DOCK4: variants seen among roughly 807,000 people sequenced by gnomAD.
DOCK4 encodes the protein dedicator of cytokinesis 4.
Under a neutral mutation model 268.1 loss-of-function variants are expected in DOCK4, and 97 were observed. That is an observed-to-expected ratio of 0.36 (90% CI 0.31 to 0.43). The LOEUF (loss-of-function observed/expected upper bound fraction) is 0.43. Among genes scored for constraint, DOCK4 ranks in the 20% least tolerant of loss-of-function variants. The pLI, the probability that DOCK4 is intolerant of heterozygous loss-of-function variation, is 1.00. For missense variants in DOCK4, 2,145 were observed against 2,455.7 expected (o/e 0.87, Z 2.67); for synonymous variants, 954 against 887.2 (o/e 1.08, Z -1.34).
At chr7:111,874,634 T>C (rs1806694213) in intron 17 of DOCK4, among the ~76,000 whole-genome samples, 1 of 152,218 alleles carries the variant, frequency 6.6e-6, no homozygotes, top group South Asian at 2.1e-4. Context: ...AGCTATAACC[T>C]ATCACAGAAA....
At chr7:111,900,622 C>T (rs1417068109) in intron 14 of DOCK4, 86 bp from the exon 15 acceptor site, 66 of 1,384,292 alleles carry the variant, frequency 4.8e-5, no homozygotes, top group Non-Finnish European at 6.4e-5. Flanking sequence ...GCTCTATCTG[C>T]CTGCCTCTCA....
chr7:111,851,822 A>T (rs1253164613), intron 23 of DOCK4, among the ~76,000 whole-genome samples: 1 of 152,036 alleles, frequency 6.6e-6, no homozygotes, highest in Non-Finnish European at 1.5e-5. Flanking sequence ...TGTAAGTGTT[A>T]TTCTCCTTTC....
chr7:111,728,754 C>A, intron 52 of DOCK4, 34 bp from the exon 53 acceptor site: 1 of 1,566,394 alleles, frequency 6.4e-7, no homozygotes, highest in Non-Finnish European at 8.7e-7. Flanking sequence ...GAGGGAGACA[C>A]AGCATTGAGT....
chr7:111,890,192 A>G (rs6978832), intron 16 of DOCK4, among the ~76,000 whole-genome samples: 73,808 of 151,922 alleles, frequency 0.49, 20,099 homozygotes, highest in African/African-American at 0.75. Flanking sequence ...ATTTGCTTCT[A>G]CTCATTCTTT....
chr7:112,011,986 C>G (rs1305960195), intron 1 of DOCK4, among the ~76,000 whole-genome samples: 1 of 151,374 alleles, frequency 6.6e-6, no homozygotes, highest in Non-Finnish European at 1.5e-5. Context: ...AATTATGAAC[C>G]ATGTGGTCCT....
intron 1 of DOCK4, among the ~76,000 whole-genome samples, chr7:112,173,651 A>G (rs1818263086): frequency 6.6e-6 from 1 of 152,164 alleles, no homozygotes; most frequent in Non-Finnish European, 1.5e-5. Flanking sequence ...ACGAGTACAC[A>G]CACTGAAAAC....
chr7:111,733,939 A>ATAGTT (rs1214405081), intron 51 of DOCK4, among the ~76,000 whole-genome samples: 1 of 152,168 alleles, frequency 6.6e-6, no homozygotes, highest in Non-Finnish European at 1.5e-5. Context: ...TAGGTGGCAC[A>ATAGTT]TAGTTTATTG....
intron 1 of DOCK4, among the ~76,000 whole-genome samples, chr7:112,038,530 C>T (rs958796643): frequency 6.6e-6 from 1 of 152,054 alleles, no homozygotes; most frequent in South Asian, 2.1e-4. Flanking sequence ...ATCAATATGC[C>T]AAGTGAGGTC....
intron 1 of DOCK4, among the ~76,000 whole-genome samples, chr7:112,066,983 C>CACAG (rs1299668570): frequency 6.7e-6 from 1 of 149,992 alleles, no homozygotes; most frequent in African/African-American, 2.5e-5. Context: ...CGTCTCCACA[C>CACAG]ACACACACAC....
At chr7:111,791,482 C>T (rs940467471) in intron 30 of DOCK4, among the ~76,000 whole-genome samples, 2 of 151,222 alleles carry the variant, frequency 1.3e-5, no homozygotes, top group Admixed American at 6.6e-5. Context: ...TGGAGTCTTG[C>T]TCTGTCACCC....
At chr7:111,943,661 T>C (rs945509075) in intron 10 of DOCK4, among the ~76,000 whole-genome samples, 1 of 152,198 alleles carries the variant, frequency 6.6e-6, no homozygotes, top group African/African-American at 2.4e-5. Flanking sequence ...TCAAAGATTC[T>C]TTCCAATTTT....
chr7:111,890,533 A>G (rs1327222094), intron 16 of DOCK4, among the ~76,000 whole-genome samples: 1 of 152,182 alleles, frequency 6.6e-6, no homozygotes, highest in Non-Finnish European at 1.5e-5. Flanking sequence ...AAATTTTTAT[A>G]GATTTCAGAG....
chr7:112,177,956 C>G lies in DOCK4; in HGVS notation c.37+28146G>C, dbSNP rs117703810. ...CATCTGCCTAGCACAGGCTACACAC[C>G]TATACCTATCCCCTGGGACTTTCTT... On this transcript the variant is annotated intron_variant, in intron 1 of 52. Coordinates refer to ENST00000428084, the MANE Select transcript of DOCK4 (RefSeq NM_001363540.2). Among the ~76,000 whole-genome samples the G allele has an allele frequency of 9.5e-4, 145 of 152,320 alleles. 2 individuals are homozygous for G. The East Asian group carries it at 0.025, about 27-fold the overall frequency.
At chr7:112,174,994 G>C (rs1263596461) in intron 1 of DOCK4, among the ~76,000 whole-genome samples, 1 of 142,960 alleles carries the variant, frequency 7.0e-6, no homozygotes, top group East Asian at 2.1e-4. Flanking sequence ...AGGCTGGAGT[G>C]CAGTGGCGCG....
chr7:111,987,494 A>G (rs1432655229), intron 6 of DOCK4, among the ~76,000 whole-genome samples: 1 of 152,200 alleles, frequency 6.6e-6, no homozygotes, highest in Non-Finnish European at 1.5e-5. Context: ...AAAACAATAA[A>G]GAAATAAATA....
At chr7:111,797,127 T>C (rs1799954703) in intron 30 of DOCK4, among the ~76,000 whole-genome samples, 1 of 152,198 alleles carries the variant, frequency 6.6e-6, no homozygotes, top group African/African-American at 2.4e-5. Flanking sequence ...TTCCTTAACC[T>C]GAGAACGTTA....
intron 7 of DOCK4, among the ~76,000 whole-genome samples, 154 bp from the exon 8 acceptor site, chr7:111,977,437 ACATTC>A (rs532518774): frequency 1.6e-3 from 251 of 152,352 alleles, no homozygotes; most frequent in African/African-American, 5.5e-3. Context: ...AGCAAAATAT[ACATTC>A]TATGTCTTTC....
At chr7:112,104,678 T>G (rs776820376) in intron 1 of DOCK4, among the ~76,000 whole-genome samples, 4 of 152,192 alleles carry the variant, frequency 2.6e-5, no homozygotes, top group Non-Finnish European at 5.9e-5. Context: ...CCAAATGACC[T>G]ATGGTGTTTT....
chr7:111,865,214 A>G (rs1198802137), intron 22 of DOCK4, among the ~76,000 whole-genome samples: 1 of 152,236 alleles, frequency 6.6e-6, no homozygotes, highest in Non-Finnish European at 1.5e-5. Context: ...CATGAAATAG[A>G]AAGCTAAGAA....
Sources: gnomAD v4.1 joint callset for allele counts (sites outside exome capture counted in the v4.1 genomes callset) on GRCh38, gnomAD v4.1.1 for gene constraint, MANE v1.5 for transcripts, NCBI Gene and HGNC (gene_info 2026-07-23, HGNC 2026-07-21) for gene names.